The following PDSS2 variants were observed in gnomAD, a reference collection of about 807,000 sequenced individuals.
The protein encoded by PDSS2 is decaprenyl diphosphate synthase subunit 2, also known as all trans-polyprenyl-diphosphate synthase PDSS2.
PDSS2 carries 31 observed loss-of-function variants against 44.5 expected under a neutral mutation model. That is an observed-to-expected ratio of 0.70 (90% CI 0.52 to 0.94). PDSS2 has a LOEUF of 0.94. Among genes scored for constraint, PDSS2 ranks in the 40% least tolerant of loss-of-function variants. The pLI is 0.00. For synonymous variants in PDSS2, 157 were observed against 180.3 expected, an observed-to-expected ratio of 0.87 and a Z score of 1.03; for missense variants, 452 against 482.2, an observed-to-expected ratio of 0.94 and a Z score of 0.59.
At chr6:107,220,841 G>T (rs934461466) in intron 4 of PDSS2, among the ~76,000 whole-genome samples, 2 of 152,020 alleles carry the variant, frequency 1.3e-5, no homozygotes, top group Non-Finnish European at 2.9e-5. Context: ...TTATGAGTTT[G>T]GTTACTAATG....
At chr6:107,345,657 AG>A (rs1778220650) in intron 1 of PDSS2, among the ~76,000 whole-genome samples, 1 of 151,810 alleles carries the variant, frequency 6.6e-6, no homozygotes, top group Non-Finnish European at 1.5e-5. Flanking sequence ...ATTAGGGGGG[AG>A]GGGGAAGAGC....
At chr6:107,312,411 T>C (rs1162352376) in intron 2 of PDSS2, among the ~76,000 whole-genome samples, 1 of 152,200 alleles carries the variant, frequency 6.6e-6, no homozygotes. Flanking sequence ...AGAGGTAGTA[T>C]AGCTAAGCTA....
chr6:107,335,766 C>A (rs562392927), intron 1 of PDSS2, among the ~76,000 whole-genome samples: 249 of 152,078 alleles, frequency 1.6e-3, no homozygotes, highest in Non-Finnish European at 2.9e-3. Context: ...ATATTGAGAA[C>A]AATGCTCATG....
At chr6:107,164,318 TC>T (rs1771258179) in intron 7 of PDSS2, among the ~76,000 whole-genome samples, 1 of 152,022 alleles carries the variant, frequency 6.6e-6, no homozygotes. Flanking sequence ...CCTCCCCACT[TC>T]CCCCACCCCA....
chr6:107,368,724 T>C (rs1779039262), intron 1 of PDSS2, among the ~76,000 whole-genome samples: 1 of 151,992 alleles, frequency 6.6e-6, no homozygotes, highest in Non-Finnish European at 1.5e-5. Context: ...GGCACACACC[T>C]GTGGTCCCAG....
intron 2 of PDSS2, among the ~76,000 whole-genome samples, chr6:107,331,394 A>C (rs60678355): frequency 0.18 from 27,155 of 152,088 alleles, 2,604 homozygotes; most frequent in African/African-American, 0.23. Flanking sequence ...TGTGGATTCT[A>C]TACACTTGAG....
At chr6:107,421,569 CTG>C (rs952342934) in intron 1 of PDSS2, among the ~76,000 whole-genome samples, 1 of 152,018 alleles carries the variant, frequency 6.6e-6, no homozygotes, top group Non-Finnish European at 1.5e-5. Flanking sequence ...TGAGTGAAAA[CTG>C]TCAATCTCAA....
intron 6 of PDSS2, among the ~76,000 whole-genome samples, chr6:107,201,413 A>AAAAAAC (rs1375346018): frequency 2.1e-5 from 3 of 144,008 alleles, no homozygotes; most frequent in South Asian, 2.2e-4. Context: ...AAAAAAAAAA[A>AAAAAAC]AGCCAGCACT....
At chr6:107,194,169 C>T (rs906665933) in intron 6 of PDSS2, among the ~76,000 whole-genome samples, 2 of 152,160 alleles carry the variant, frequency 1.3e-5, no homozygotes, top group Non-Finnish European at 2.9e-5. Flanking sequence ...TGACCACAAT[C>T]AAAATTAATG....
intron 2 of PDSS2, among the ~76,000 whole-genome samples, chr6:107,290,691 G>T (rs1306621122): frequency 6.6e-6 from 1 of 152,118 alleles, no homozygotes; most frequent in Admixed American, 6.6e-5. Context: ...TATCTACAAG[G>T]CTTAGCCATT....
At chr6:107,409,120 G>A (rs1444821035) in intron 1 of PDSS2, among the ~76,000 whole-genome samples, 1 of 152,150 alleles carries the variant, frequency 6.6e-6, no homozygotes, top group Non-Finnish European at 1.5e-5. Flanking sequence ...ACTCAGATGA[G>A]TCCATGGTAA....
At chr6:107,426,227 G>A (rs1583069252) in intron 1 of PDSS2, among the ~76,000 whole-genome samples, 1 of 152,224 alleles carries the variant, frequency 6.6e-6, no homozygotes, top group East Asian at 1.9e-4. Context: ...AGCCATGGCT[G>A]AAAGGGGCCA....
intron 1 of PDSS2, among the ~76,000 whole-genome samples, chr6:107,343,225 A>C (rs1024020876): frequency 6.6e-6 from 1 of 152,256 alleles, no homozygotes; most frequent in African/African-American, 2.4e-5. Context: ...TTGATTGGTA[A>C]GATTCCTATT....
At chr6:107,453,433 T>G (rs962949113) in intron 1 of PDSS2, among the ~76,000 whole-genome samples, 3 of 152,076 alleles carry the variant, frequency 2.0e-5, no homozygotes, top group Non-Finnish European at 4.4e-5. Context: ...GATGTTCAAT[T>G]GTTCCAGCCC....
At chr6:107,198,011 G>A in intron 6 of PDSS2, 1 of 447,436 alleles carries the variant, frequency 2.2e-6, no homozygotes, top group Non-Finnish European at 4.6e-6. Flanking sequence ...CAACAGGTAA[G>A]AAGAGTGAAT....
At chr6:107,393,223 A>G (rs1401396266) in intron 1 of PDSS2, among the ~76,000 whole-genome samples, 3 of 152,034 alleles carry the variant, frequency 2.0e-5, no homozygotes, top group African/African-American at 7.2e-5. Flanking sequence ...TTCATTCACA[A>G]TATTTTCTAA....
At chr6:107,260,066 T>C (rs995477875) in intron 3 of PDSS2, among the ~76,000 whole-genome samples, 1 of 152,196 alleles carries the variant, frequency 6.6e-6, no homozygotes, top group Non-Finnish European at 1.5e-5. Context: ...ATTTCCAGAA[T>C]GCTTAAAAAG....
chr6:107,244,552 C>T (rs1025634995), intron 4 of PDSS2, among the ~76,000 whole-genome samples: 10 of 152,146 alleles, frequency 6.6e-5, no homozygotes, highest in Admixed American at 2.6e-4. Flanking sequence ...CCAGATGTGC[C>T]TACTAGGAAC....
In PDSS2 at chr6:107,292,626, A is replaced by G. The variant is rs75199125; in HGVS notation, c.432-18399T>C. ...TTAGTGATCAATGAACACACCTATG[A>G]GAGTACTTTAATAAAGAATAACCAA... On this transcript the variant is annotated intron_variant, in intron 2 of 7. Coordinates refer to ENST00000369037, the MANE Select transcript of PDSS2 (RefSeq NM_020381.4). 0.013 allele frequency among the ~76,000 whole-genome samples: 1,994 copies of G among 152,328 alleles called. 115 individuals are homozygous for G. In the East Asian group the frequency reaches 0.19, roughly 14 times the overall value.
Sources: gnomAD v4.1 joint callset for allele counts (sites outside exome capture counted in the v4.1 genomes callset) on GRCh38, gnomAD v4.1.1 for gene constraint, MANE v1.5 for transcripts, NCBI Gene and HGNC (gene_info 2026-07-23, HGNC 2026-07-21) for gene names.